The following CEMIP variants were observed in gnomAD, a reference collection of about 807,000 sequenced individuals.
The protein encoded by CEMIP is cell migration inducing hyaluronidase 1.
Under a neutral mutation model 156.9 loss-of-function variants are expected in CEMIP, and 105 were observed. The ratio of observed to expected loss-of-function variants is 0.67; its 90% CI spans 0.57 to 0.79. The LOEUF is 0.79. Among genes scored for constraint, CEMIP ranks in the 30% least tolerant of loss-of-function variants. CEMIP has a pLI of 0.00. For synonymous variants in CEMIP, 676 were observed against 668.4 expected (o/e 1.01, Z -0.17); for missense variants, 1,457 against 1,769.4 (o/e 0.82, Z 3.17).
At chr15:80,832,837 C>CTGT (rs1391458071) in intron 1 of CEMIP, among the ~76,000 whole-genome samples, 1 of 152,170 alleles carries the variant, frequency 6.6e-6, no homozygotes, top group East Asian at 1.9e-4. Flanking sequence ...CAACTTGTCT[C>CTGT]TGTTCTGCAT....
intron 1 of CEMIP, among the ~76,000 whole-genome samples, chr15:80,817,292 A>T (rs1896806217): frequency 6.6e-6 from 1 of 152,006 alleles, no homozygotes. Context: ...GATTTGCATA[A>T]ATGATGTGTG....
intron 21 of CEMIP, among the ~76,000 whole-genome samples, chr15:80,929,576 G>C (rs1900826250): frequency 6.6e-6 from 1 of 152,120 alleles, no homozygotes; most frequent in African/African-American, 2.4e-5. Context: ...ATAACCAGGA[G>C]GGTGACAAAA....
chr15:80,819,657 T>C (rs1896866592), intron 1 of CEMIP, among the ~76,000 whole-genome samples: 1 of 152,240 alleles, frequency 6.6e-6, no homozygotes, highest in Admixed American at 6.5e-5. Context: ...TTTTAAATGA[T>C]GGGCTAGATT....
intron 3 of CEMIP, among the ~76,000 whole-genome samples, chr15:80,876,854 A>G (rs1339982486): frequency 6.6e-6 from 1 of 152,214 alleles, no homozygotes; most frequent in Non-Finnish European, 1.5e-5. Flanking sequence ...ATCAAGGCGC[A>G]TTTAGAACTG....
intron 27 of CEMIP, 56 bp downstream of exon 27, chr15:80,942,393 T>C (rs958913026): frequency 6.9e-7 from 1 of 1,439,700 alleles, no homozygotes; most frequent in Non-Finnish European, 9.8e-7. Flanking sequence ...GGTGATACTG[T>C]GTCCTGCGGC....
At chr15:80,908,829 G>T (rs140960218) in intron 13 of CEMIP, among the ~76,000 whole-genome samples, 1 of 152,306 alleles carries the variant, frequency 6.6e-6, no homozygotes, top group African/African-American at 2.4e-5. Flanking sequence ...GTGAGCCCCA[G>T]CTATAGCATA....
chr15:80,840,608 G>A (rs531486230), intron 1 of CEMIP, among the ~76,000 whole-genome samples: 31 of 152,304 alleles, frequency 2.0e-4, no homozygotes, highest in East Asian at 7.7e-4. Flanking sequence ...AAACAGGCCC[G>A]TGCAGGGGGA....
intron 1 of CEMIP, 88 bp from the exon 2 acceptor site, chr15:80,873,450 C>CT (rs1790405444): frequency 3.6e-6 from 1 of 278,620 alleles, no homozygotes; most frequent in African/African-American, 2.2e-5. Flanking sequence ...AACAGATCAT[C>CT]TGAGATCACA....
At chr15:80,936,306 A>T (rs548356441) in intron 23 of CEMIP, among the ~76,000 whole-genome samples, 13 of 152,328 alleles carry the variant, frequency 8.5e-5, no homozygotes, top group East Asian at 7.7e-4. Flanking sequence ...TGGTAGAATT[A>T]AAAAAGTTCT....
At chr15:80,913,640 G>A (rs996447475) in intron 14 of CEMIP, among the ~76,000 whole-genome samples, 1 of 152,312 alleles carries the variant, frequency 6.6e-6, no homozygotes, top group Admixed American at 6.5e-5. Context: ...TATGTGATAT[G>A]GTCAGCAATG....
intron 10 of CEMIP, among the ~76,000 whole-genome samples, chr15:80,890,464 C>G (rs1046490011): frequency 2.0e-5 from 3 of 151,386 alleles, no homozygotes; most frequent in African/African-American, 7.3e-5. Flanking sequence ...GTGGCGGGTG[C>G]CTGTAGTCCC....
In CEMIP at chr15:80,931,943, G is replaced by A. The variant is rs1900930684; in HGVS notation, c.2697G>A (p.Glu899=). 1.2e-6 allele frequency: 2 copies of A among 1,614,226 alleles called. No individual in the cohort carries two copies. Among genetic ancestry groups the A allele is most frequent in the Admixed American group, 3.3e-5 (2 of 60,030 alleles). Residue 899 remains glutamate, a synonymous_variant, in exon 22 of 30, where the codon GAG becomes GAA. Coordinates refer to ENST00000394685, the MANE Select transcript of CEMIP (RefSeq NM_001293298.2). ...NCTFRKFVAL[E]GRHTSALAFR... ...CTTTCCGAAAGTTTGTGGCCCTGGAGGGCCGGCACACCAGCGCCCTGGCCT... is the reference window on the plus strand; with the variant it reads ...CTTTCCGAAAGTTTGTGGCCCTGGAAGGCCGGCACACCAGCGCCCTGGCCT...
At chr15:80,836,160 T>C (rs1056029063) in intron 1 of CEMIP, among the ~76,000 whole-genome samples, 3 of 151,922 alleles carry the variant, frequency 2.0e-5, no homozygotes, top group Admixed American at 2.0e-4. Context: ...CCCTATCCAC[T>C]GTTAGTGCAT....
rs755303837 is a variant in CEMIP at position 80,942,029 on chromosome 15, C to G, written c.3588C>G (p.Pro1196=). Residue 1196 remains proline, a synonymous_variant, in exon 26 of 30, where the codon CCC becomes CCG. Coordinates refer to ENST00000394685, the MANE Select transcript of CEMIP (RefSeq NM_001293298.2). ...GGGCTGTCGTAGACGTGCCGATGCCCAAGAAGCTCTTTGGTTCTCAGCTGG... is the reference window on the plus strand; with the variant it reads ...GGGCTGTCGTAGACGTGCCGATGCCGAAGAAGCTCTTTGGTTCTCAGCTGG... ...TERAVVDVPM[P]KKLFGSQLKT... The G allele has an allele frequency of 6.2e-7, 1 of 1,613,510 alleles. No individual in the cohort carries two copies. Among genetic ancestry groups the G allele is most frequent in the African/African-American group, 1.3e-5 (1 of 74,816 alleles).
At chr15:80,936,442 G>A (rs1901124024) in intron 23 of CEMIP, among the ~76,000 whole-genome samples, 1 of 152,202 alleles carries the variant, frequency 6.6e-6, no homozygotes, top group Non-Finnish European at 1.5e-5. Context: ...GCACTTTTAT[G>A]AAGATGAACA....
In CEMIP at chr15:80,937,844, C is replaced by T; in HGVS notation, c.3272C>T (p.Ser1091Phe). Residue 1091 changes from serine (S) to phenylalanine (F), a missense_variant, in exon 25 of 30, where the codon TCC becomes TTC. Ser to Phe is a radical substitution (Grantham distance 155). Coordinates refer to ENST00000394685, the MANE Select transcript of CEMIP (RefSeq NM_001293298.2). ...TGCTACCCGCGAGGCACCACATTCTCCATCCTCTCGGATGTTCACAATCGC... is the reference window on the plus strand; with the variant it reads ...TGCTACCCGCGAGGCACCACATTCTTCATCCTCTCGGATGTTCACAATCGC... ...GLCYPRGTTF[S>F]ILSDVHNRLL... The T allele has an allele frequency of 6.2e-7, 1 of 1,614,248 alleles. No homozygotes were observed. The highest frequency in any genetic ancestry group is 1.1e-5 in the South Asian group (1 of 91,080).
intron 1 of CEMIP, among the ~76,000 whole-genome samples, chr15:80,801,547 G>A (rs748696): frequency 0.36 from 54,249 of 152,114 alleles, 10,775 homozygotes; most frequent in Non-Finnish European, 0.46. Flanking sequence ...GCTTTCTTTT[G>A]GCTGAAGCCA....
chr15:80,792,998 G>T (rs933226933), intron 1 of CEMIP, among the ~76,000 whole-genome samples: 2 of 152,246 alleles, frequency 1.3e-5, no homozygotes, highest in Non-Finnish European at 1.5e-5. Flanking sequence ...GTAGGACACA[G>T]AATAGAGAAA....
chr15:80,939,248 G>C (rs1424416886), intron 25 of CEMIP, among the ~76,000 whole-genome samples: 1 of 152,206 alleles, frequency 6.6e-6, no homozygotes, highest in Non-Finnish European at 1.5e-5. Context: ...AAACCTCAGA[G>C]CATGGAAGAC....
Sources: gnomAD v4.1 joint callset for allele counts (sites outside exome capture counted in the v4.1 genomes callset) on GRCh38, gnomAD v4.1.1 for gene constraint, MANE v1.5 for transcripts, NCBI Gene and HGNC (gene_info 2026-07-23, HGNC 2026-07-21) for gene names.